EEFSEC: variants seen among roughly 807,000 people sequenced by gnomAD.
EEFSEC encodes the protein selenocysteine-specific elongation factor.
In EEFSEC, 43 loss-of-function variants were observed where a neutral mutation model predicts 42.1. The ratio of observed to expected loss-of-function variants is 1.02; its 90% CI spans 0.80 to 1.32. The LOEUF is 1.32. EEFSEC is among the 40% of genes most tolerant of loss of function. The probability of loss-of-function intolerance (pLI) is 0.00; values close to 1 mark genes in which losing one functional copy is unlikely to be tolerated. For synonymous variants in EEFSEC, 354 were observed against 339.1 expected (o/e 1.04, Z -0.48); for missense variants, 745 against 803.6 (o/e 0.93, Z 0.88).
intron 1 of EEFSEC, among the ~76,000 whole-genome samples, chr3:128,164,746 C>T (rs1160271182): frequency 6.6e-6 from 1 of 152,164 alleles, no homozygotes; most frequent in Admixed American, 6.5e-5. Context: ...TCAGGCCAAG[C>T]TTCCAGAGGG....
intron 6 of EEFSEC, among the ~76,000 whole-genome samples, chr3:128,374,871 T>C (rs770220287): frequency 1.3e-5 from 2 of 152,232 alleles, no homozygotes; most frequent in Non-Finnish European, 2.9e-5. Flanking sequence ...ACACAGCTCT[T>C]GAGCCCCAGA....
chr3:128,410,680 A>T (rs971634650), downstream of EEFSEC, among the ~76,000 whole-genome samples: 5 of 152,138 alleles, frequency 3.3e-5, no homozygotes, highest in Non-Finnish European at 5.9e-5. Flanking sequence ...TGGGGGTGGG[A>T]GACTTGCCAG....
chr3:128,259,339 T>G (rs1576587173), intron 2 of EEFSEC, among the ~76,000 whole-genome samples: 1 of 152,318 alleles, frequency 6.6e-6, no homozygotes, highest in Middle Eastern at 3.4e-3. Flanking sequence ...CAATTGGAAG[T>G]GGTTCAATAT....
At chr3:128,348,906 T>A (rs927318788) in intron 5 of EEFSEC, among the ~76,000 whole-genome samples, 2 of 152,212 alleles carry the variant, frequency 1.3e-5, no homozygotes, top group African/African-American at 2.4e-5. Context: ...GGACAGAGAC[T>A]CATGCCTGCA....
intron 5 of EEFSEC, 141 bp from the exon 6 acceptor site, chr3:128,358,076 C>A (rs2067478286): frequency 9.2e-7 from 1 of 1,086,308 alleles, no homozygotes; most frequent in Admixed American, 2.7e-5. Flanking sequence ...GGCTCATCAC[C>A]AGGCTACCCA....
At chr3:128,270,440 T>C (rs1397700847) in intron 4 of EEFSEC, among the ~76,000 whole-genome samples, 2 of 152,212 alleles carry the variant, frequency 1.3e-5, no homozygotes, top group Non-Finnish European at 2.9e-5. Flanking sequence ...TGGATACCTA[T>C]TTAGTTGATA....
intron 4 of EEFSEC, among the ~76,000 whole-genome samples, chr3:128,325,276 A>C (rs1470833471): frequency 6.6e-6 from 1 of 152,226 alleles, no homozygotes; most frequent in Non-Finnish European, 1.5e-5. Flanking sequence ...CAGCTTCCTC[A>C]CTTTGCTCCA....
chr3:128,419,302 C>G, the EEFSEC span, among the ~76,000 whole-genome samples: 11 of 152,152 alleles, frequency 7.2e-5, no homozygotes, highest in African/African-American at 2.7e-4. Context: ...GACACTGAAA[C>G]AGTGCTGTGT....
intron 6 of EEFSEC, among the ~76,000 whole-genome samples, chr3:128,363,124 C>T (rs763676602): frequency 4.6e-5 from 7 of 152,168 alleles, no homozygotes; most frequent in Non-Finnish European, 7.3e-5. Context: ...TTGGGCTGCC[C>T]GCTGTACAGC....
chr3:128,320,585 T>C (rs2066996632), intron 4 of EEFSEC, among the ~76,000 whole-genome samples: 1 of 152,184 alleles, frequency 6.6e-6, no homozygotes, highest in South Asian at 2.1e-4. Context: ...AAACCTGCCT[T>C]CCTAACCACT....
chr3:128,274,618 A>G (rs2066448024), intron 4 of EEFSEC, among the ~76,000 whole-genome samples: 1 of 152,236 alleles, frequency 6.6e-6, no homozygotes. Flanking sequence ...AAGTTGTCGT[A>G]TGAAAACCAC....
chr3:128,320,110 A>G (rs2066990988), intron 4 of EEFSEC, among the ~76,000 whole-genome samples: 2 of 152,244 alleles, frequency 1.3e-5, no homozygotes, highest in South Asian at 2.1e-4. Flanking sequence ...AAGCACTGCA[A>G]TGGCAGAGTC....
intron 4 of EEFSEC, among the ~76,000 whole-genome samples, chr3:128,279,280 G>A (rs1232298944): frequency 1.3e-5 from 2 of 152,196 alleles, no homozygotes; most frequent in Non-Finnish European, 2.9e-5. Flanking sequence ...ACTACAAGCA[G>A]GGCTCCTTCA....
At chr3:128,233,417 C>T (rs1342415969) in intron 1 of EEFSEC, among the ~76,000 whole-genome samples, 1 of 152,132 alleles carries the variant, frequency 6.6e-6, no homozygotes, top group Non-Finnish European at 1.5e-5. Flanking sequence ...GAAGGTGGCT[C>T]ATGGATGGAG....
chr3:128,412,183 G>T (rs2068178372), downstream of EEFSEC, among the ~76,000 whole-genome samples: 1 of 152,234 alleles, frequency 6.6e-6, no homozygotes, highest in Admixed American at 6.5e-5. Context: ...CAAAGGGCAT[G>T]CAGGTTAGTG....
chr3:128,377,546 A>AT (rs1371161364), intron 6 of EEFSEC, among the ~76,000 whole-genome samples: 1 of 152,250 alleles, frequency 6.6e-6, no homozygotes, highest in Non-Finnish European at 1.5e-5. Context: ...GTGTTCAGTC[A>AT]TGTGGCCATT....
chr3:128,392,982 C>T (rs2067934853), intron 6 of EEFSEC, among the ~76,000 whole-genome samples: 1 of 152,238 alleles, frequency 6.6e-6, no homozygotes, highest in Non-Finnish European at 1.5e-5. Context: ...CAGGGGGCCT[C>T]CTCTGAGCCC....
At chr3:128,290,797 G>C (rs2066635567) in intron 4 of EEFSEC, among the ~76,000 whole-genome samples, 1 of 152,134 alleles carries the variant, frequency 6.6e-6, no homozygotes, top group African/African-American at 2.4e-5. Context: ...CCAGGCTGGA[G>C]TGCAATGGTG....
At chr3:128,419,795 A>C in the EEFSEC span, among the ~76,000 whole-genome samples, 1 of 152,142 alleles carries the variant, frequency 6.6e-6, no homozygotes, top group Non-Finnish European at 1.5e-5. Flanking sequence ...CTGTGTGGTG[A>C]GGCCCCGACA....
Sources: gnomAD v4.1 joint callset for allele counts (sites outside exome capture counted in the v4.1 genomes callset) on GRCh38, gnomAD v4.1.1 for gene constraint, MANE v1.5 for transcripts, NCBI Gene and HGNC (gene_info 2026-07-23, HGNC 2026-07-21) for gene names.